Variants in PHACTR1 observed in about 807,000 individuals in gnomAD.
The protein encoded by PHACTR1 is phosphatase and actin regulator 1.
In PHACTR1, 16 loss-of-function variants were observed where a neutral mutation model predicts 69.2. The observed-to-expected ratio is 0.23, with a 90% CI of 0.16 to 0.35. The LOEUF is 0.35. Among genes scored for constraint, PHACTR1 ranks in the 10% least tolerant of loss-of-function variants. PHACTR1 has a pLI of 1.00. For synonymous variants in PHACTR1, 312 were observed against 284.5 expected (o/e 1.10, Z -0.97); for missense variants, 510 against 734.7 (o/e 0.69, Z 3.54).
chr6:12,935,764 T>C (rs966604156), intron 4 of PHACTR1, among the ~76,000 whole-genome samples: 1 of 152,110 alleles, frequency 6.6e-6, no homozygotes. Flanking sequence ...TCTTTCTTAT[T>C]GTATTTCCAT....
chr6:12,889,837 G>C (rs1784001314), intron 4 of PHACTR1, among the ~76,000 whole-genome samples: 1 of 140,712 alleles, frequency 7.1e-6, no homozygotes, highest in Admixed American at 7.3e-5. Flanking sequence ...AACTGGCAGA[G>C]ATAGATTGGA....
At chr6:12,944,023 T>C (rs1367747219) in intron 4 of PHACTR1, among the ~76,000 whole-genome samples, 2 of 152,232 alleles carry the variant, frequency 1.3e-5, no homozygotes, top group Non-Finnish European at 2.9e-5. Flanking sequence ...CCAAACTGCA[T>C]GTGGGATTAA....
rs202050 is a variant in PHACTR1 at position 13,273,905 on chromosome 6, C to T, written c.1447+990C>T. On this transcript the variant is annotated intron_variant, in intron 11 of 14. Transcript: ENST00000332995. ...GACTGACTCCTTGCCTCCCCCGGCC[C>T]CCCCGCCCCGCCCCGCCCCGTGCCC... is the stretch of plus-strand genomic sequence containing the variant. 5 of 131,994 alleles carry T rather than the reference C, an allele frequency of 3.8e-5. No individual in the cohort carries two copies. In the East Asian group the frequency reaches 1.4e-3, roughly 36 times the overall value. The allele number at this position is 131,994 out of a possible 1,614,324, so 8.2% of individuals were successfully genotyped here. A position where few individuals can be genotyped will look rare whatever the true frequency, so the allele number is the denominator to read the frequency against.
chr6:13,178,879 G>A (rs922531527), intron 6 of PHACTR1, among the ~76,000 whole-genome samples: 1 of 152,216 alleles, frequency 6.6e-6, no homozygotes, highest in African/African-American at 2.4e-5. Context: ...GGCAAGTTAC[G>A]TTCTTCCTGG....
chr6:12,812,164 C>T (rs1446082246), intron 4 of PHACTR1, among the ~76,000 whole-genome samples: 1 of 152,156 alleles, frequency 6.6e-6, no homozygotes, highest in African/African-American at 2.4e-5. Context: ...CCTGTTGTCC[C>T]TCACCCCAGT....
At chr6:12,798,149 CAG>C (rs969417937) in intron 4 of PHACTR1, among the ~76,000 whole-genome samples, 36 of 150,748 alleles carry the variant, frequency 2.4e-4, no homozygotes, top group African/African-American at 8.6e-4. Flanking sequence ...GTGGTTAGCA[CAG>C]AGTCACCCAT....
chr6:12,813,582 A>G (rs918747289), intron 4 of PHACTR1, among the ~76,000 whole-genome samples: 1 of 152,212 alleles, frequency 6.6e-6, no homozygotes, highest in African/African-American at 2.4e-5. Flanking sequence ...ATCCCAAACC[A>G]CTAATGACCA....
At chr6:12,984,163 A>G (rs1359298762) in intron 4 of PHACTR1, among the ~76,000 whole-genome samples, 4 of 152,344 alleles carry the variant, frequency 2.6e-5, no homozygotes, top group African/African-American at 4.8e-5. Flanking sequence ...AGTCCCATCA[A>G]CAGTGTAAAA....
rs1392833270 is a variant in PHACTR1 at position 12,830,105 on chromosome 6, GAAAGAAAGAAAGAA to G, written c.250+80317_250+80330del. On this transcript the variant is annotated intron_variant, in intron 4 of 14. Coordinates refer to ENST00000332995, the MANE Select transcript of PHACTR1 (RefSeq NM_030948.6). ...GGAAGGAAGGAGGGAAAGAAAGAAAGAAAGAAAGAAAGAAAGAAAGAAAGAAAGAAAGAAAGAAA... is the reference window on the plus strand; with the variant it reads ...GGAAGGAAGGAGGGAAAGAAAGAAAGAGAAAGAAAGAAAGAAAGAAAGAAA... 1.9e-3 allele frequency among the ~76,000 whole-genome samples: 52 copies of G among 26,946 alleles called. 1 individual carries two copies. The highest frequency in any genetic ancestry group is 2.9e-3 in the African/African-American group (48 of 16,646). 17.7% of individuals were successfully genotyped at this position (26,946 alleles called of 152,430 possible).
At chr6:13,212,822 T>G (rs1280416556) in intron 8 of PHACTR1, among the ~76,000 whole-genome samples, 1 of 152,106 alleles carries the variant, frequency 6.6e-6, no homozygotes, top group Non-Finnish European at 1.5e-5. Flanking sequence ...GCTCCTACAC[T>G]CACCTGCCTC....
intron 4 of PHACTR1, among the ~76,000 whole-genome samples, chr6:13,003,343 T>C (rs958413322): frequency 3.9e-5 from 6 of 152,202 alleles, no homozygotes; most frequent in African/African-American, 7.2e-5. Context: ...TTCTGTTTTT[T>C]CACCTGCTGA....
chr6:12,845,514 C>T (rs1779174802), intron 4 of PHACTR1, among the ~76,000 whole-genome samples: 1 of 148,158 alleles, frequency 6.7e-6, no homozygotes, highest in Non-Finnish European at 1.5e-5. Context: ...CATAGCACGG[C>T]AGGTATTTCC....
chr6:13,208,928 C>A (rs1261583362), intron 8 of PHACTR1, among the ~76,000 whole-genome samples: 2 of 152,098 alleles, frequency 1.3e-5, no homozygotes, highest in East Asian at 3.9e-4. Flanking sequence ...AGAGCCAAGG[C>A]AGTCTCTGCG....
At position 12,960,781 on chromosome 6, in the gene PHACTR1, C is replaced by T. The variant is rs546348105; in HGVS notation, c.251-92584C>T. ...GCTTTTACCCGACTTGGAAAATTCC[C>T]GCAGATGGGCTATAGTGATCCATGA... On this transcript the variant is annotated intron_variant, in intron 4 of 14. Transcript: ENST00000332995. Among the ~76,000 whole-genome samples, 19 of 152,284 alleles carry T rather than the reference C, an allele frequency of 1.2e-4. No individual in the cohort carries two copies. In the South Asian group the frequency reaches 3.3e-3, roughly 27 times the overall value.
chr6:12,948,455 T>C (rs959107838), intron 4 of PHACTR1, among the ~76,000 whole-genome samples: 1 of 152,206 alleles, frequency 6.6e-6, no homozygotes, highest in Non-Finnish European at 1.5e-5. Context: ...ATGGTGGTGA[T>C]GCAGATGATA....
intron 10 of PHACTR1, among the ~76,000 whole-genome samples, chr6:13,264,165 T>TGAA (rs1232592311): frequency 5.3e-5 from 8 of 152,228 alleles, no homozygotes; most frequent in Non-Finnish European, 1.2e-4. Flanking sequence ...AACTCTTCTA[T>TGAA]AATTCCAATA....
At chr6:12,743,872 C>T (rs528514642) in intron 3 of PHACTR1, among the ~76,000 whole-genome samples, 191 of 152,248 alleles carry the variant, frequency 1.3e-3, no homozygotes, top group African/African-American at 4.3e-3. Flanking sequence ...AGCACCACAT[C>T]GCACTTATTC....
At chr6:13,229,127 G>A (rs760661258) in intron 9 of PHACTR1, among the ~76,000 whole-genome samples, 3 of 152,196 alleles carry the variant, frequency 2.0e-5, no homozygotes, top group Non-Finnish European at 4.4e-5. Flanking sequence ...TTGCTGTTCA[G>A]TATCCAGAGA....
chr6:12,899,320 G>A (rs1483044393), intron 4 of PHACTR1, among the ~76,000 whole-genome samples: 1 of 152,136 alleles, frequency 6.6e-6, no homozygotes, highest in African/African-American at 2.4e-5. Flanking sequence ...GGGGAATAGT[G>A]ATGGAAATAA....
Sources: gnomAD v4.1 joint callset for allele counts (sites outside exome capture counted in the v4.1 genomes callset) on GRCh38, gnomAD v4.1.1 for gene constraint, MANE v1.5 for transcripts, NCBI Gene and HGNC (gene_info 2026-07-23, HGNC 2026-07-21) for gene names.